Variants in ZBTB44 observed in about 807,000 individuals in gnomAD.
ZBTB44 encodes the protein zinc finger and BTB domain-containing protein 44.
Under a neutral mutation model 54.0 loss-of-function variants are expected in ZBTB44, and 15 were observed. That is an observed-to-expected ratio of 0.28 (90% CI 0.19 to 0.43). The LOEUF (loss-of-function observed/expected upper bound fraction) is 0.43. Among genes scored for constraint, ZBTB44 ranks in the 20% least tolerant of loss-of-function variants. ZBTB44 has a pLI of 1.00. For missense variants in ZBTB44, 487 were observed against 707.1 expected (o/e 0.69, Z 3.53); for synonymous variants, 230 against 250.1 (o/e 0.92, Z 0.76).
intron 1 of ZBTB44, among the ~76,000 whole-genome samples, chr11:130,274,032 G>A (rs182928042): frequency 1.3e-5 from 2 of 152,050 alleles, no homozygotes; most frequent in Non-Finnish European, 2.9e-5. Context: ...AGGTTTCAGT[G>A]AGCCAAGAGC....
At position 130,234,218 on chromosome 11, in the gene ZBTB44, A is replaced by G. The variant is rs1565641731; in HGVS notation, c.1624T>C (p.Tyr542His). The G allele has an allele frequency of 6.5e-7, 1 of 1,528,676 alleles. No homozygotes were observed. Among genetic ancestry groups the G allele is most frequent in the Non-Finnish European group, 8.8e-7 (1 of 1,137,948 alleles). The allele number at this position is 1,528,676 out of a possible 1,614,324, so 94.7% of individuals were successfully genotyped here. A position where few individuals can be genotyped will look rare whatever the true frequency, so the allele number is the denominator to read the frequency against. The change falls in exon 6 of 8, where the codon TAT becomes CAT. Residue 542 changes from tyrosine to histidine, a missense_variant. Tyr to His is a moderately conservative substitution (Grantham distance 83). Transcript: ENST00000357899. The part of the protein sequence containing the change: ...NQEQEETLVQ[Y>H]DLGEHGFESN... Reference sequence around the variant, plus strand: ...TCAAAACCGTGTTCTCCAAGATCATATTGAACAAGGGTCTCTTCTTGTTCC... The same window carrying G: ...TCAAAACCGTGTTCTCCAAGATCATGTTGAACAAGGGTCTCTTCTTGTTCC...
intron 5 of ZBTB44, among the ~76,000 whole-genome samples, chr11:130,235,472 C>A (rs1210982272): frequency 6.6e-6 from 1 of 152,112 alleles, no homozygotes; most frequent in East Asian, 1.9e-4. Context: ...AAGGGAAAAA[C>A]AAAATCTACG....
intron 2 of ZBTB44, among the ~76,000 whole-genome samples, chr11:130,252,109 A>C (rs562256705): frequency 6.6e-6 from 1 of 152,284 alleles, no homozygotes; most frequent in South Asian, 2.1e-4. Flanking sequence ...GAAAAAAAAG[A>C]AGCAGGGGCT....
At chr11:130,234,002 T>A (rs1007445363) in intron 6 of ZBTB44, 154 bp downstream of exon 6, 71 of 1,511,428 alleles carry the variant, frequency 4.7e-5, no homozygotes, top group Non-Finnish European at 5.8e-5. Flanking sequence ...TACTCAATAG[T>A]TATAGAAGAC....
rs1485903138 is a variant in ZBTB44, at chr11:130,229,139, C to T, written c.*2625G>A. The T allele has an allele frequency of 1.3e-5, 2 of 151,980 alleles. No individual in the cohort carries two copies. Among genetic ancestry groups the T allele is most frequent in the Middle Eastern group, 3.4e-3 (1 of 294 alleles). The allele number at this position is 151,980 out of a possible 1,614,324, so 9.4% of individuals were successfully genotyped here. Reference sequence around the variant, plus strand: ...CTCAATTTTTCAGATACTGCCAAACCGAGATACCAATAACATCTGAAATCT... The same window carrying T: ...CTCAATTTTTCAGATACTGCCAAACTGAGATACCAATAACATCTGAAATCT... On this transcript the variant is annotated 3_prime_UTR_variant, in exon 8 of 8. Coordinates refer to ENST00000357899, the MANE Select transcript of ZBTB44 (RefSeq NM_001301098.2).
At chr11:130,238,715 T>C in intron 3 of ZBTB44, 108 bp from the exon 4 acceptor site, 1 of 1,174,818 alleles carries the variant, frequency 8.5e-7, no homozygotes, top group South Asian at 2.0e-5. Context: ...TAAAGACTTT[T>C]TGAAACAGTT....
At chr11:130,311,099 G>A (rs1942573001) in intron 1 of ZBTB44, among the ~76,000 whole-genome samples, 1 of 152,116 alleles carries the variant, frequency 6.6e-6, no homozygotes, top group Non-Finnish European at 1.5e-5. Context: ...GTCTAAATAC[G>A]AAAATAAATG....
intron 2 of ZBTB44, among the ~76,000 whole-genome samples, chr11:130,251,439 C>G (rs966493071): frequency 2.0e-5 from 3 of 152,090 alleles, no homozygotes; most frequent in Admixed American, 1.3e-4. Context: ...TCAGGAAATA[C>G]AGAGAACATC....
rs1255621035 is a variant in ZBTB44, at chr11:130,236,652, GAGTATGAAC to G, written c.1568+132_1568+140del. The G allele has an allele frequency of 2.5e-5, 21 of 840,462 alleles. No homozygotes were observed. In the East Asian group the frequency reaches 6.2e-4, roughly 25 times the overall value. The allele number at this position is 840,462 out of a possible 1,614,324, so 52.1% of individuals were successfully genotyped here. A position where few individuals can be genotyped will look rare whatever the true frequency, so the allele number is the denominator to read the frequency against. ...AAAATTTTATCAGATCAGGAGATTAGAGTATGAACAGTGGGAATCCGTAACAAATGTGAC... is the reference window on the plus strand; with the variant it reads ...AAAATTTTATCAGATCAGGAGATTAGAGTGGGAATCCGTAACAAATGTGAC... On this transcript the variant is annotated intron_variant, in intron 5 of 7. Coordinates refer to ENST00000357899, the MANE Select transcript of ZBTB44 (RefSeq NM_001301098.2).
At position 130,230,920 on chromosome 11, in the gene ZBTB44, T is replaced by C. The variant is rs907523532; in HGVS notation, c.*844A>G. 1.3e-5 allele frequency: 2 copies of C among 152,074 alleles called. No individual in the cohort carries two copies. The highest frequency in any genetic ancestry group is 4.8e-5 in the African/African-American group (2 of 41,450). 9.4% of individuals were successfully genotyped at this position (152,074 alleles called of 1,614,324 possible). On this transcript the variant is annotated 3_prime_UTR_variant, in exon 8 of 8. Coordinates refer to ENST00000357899, the MANE Select transcript of ZBTB44 (RefSeq NM_001301098.2). ...CACACCTATTTGGTAGTTAAAAAACTGAAAATAAAAGCTTGTACAAAATGC... is the reference window on the plus strand; with the variant it reads ...CACACCTATTTGGTAGTTAAAAAACCGAAAATAAAAGCTTGTACAAAATGC...
rs369200220 is a variant in ZBTB44 at position 130,309,922 on chromosome 11, G to C, written c.-57+4453C>G. Among the ~76,000 whole-genome samples the C allele has an allele frequency of 2.0e-5, 3 of 150,340 alleles. No homozygotes were observed. In the East Asian group the frequency reaches 5.8e-4, roughly 29 times the overall value. On this transcript the variant is annotated intron_variant, in intron 1 of 7. Transcript: ENST00000357899. ...AAAAAAAAAAAAAAAAGTTAAAAAA[G>C]TAGATGGAGTCATAAAACCTCTACC...
chr11:130,238,403 T>C, intron 4 of ZBTB44, 41 bp downstream of exon 4: 1 of 1,540,666 alleles, frequency 6.5e-7, no homozygotes, highest in Non-Finnish European at 8.7e-7. Flanking sequence ...TAAAATGTTT[T>C]AGAGCGTTCA....
chr11:130,261,200 G>T lies in ZBTB44; in HGVS notation c.674C>A (p.Ser225Tyr), dbSNP rs1322512632. The change falls in exon 2 of 8, where the codon TCC becomes TAC. Residue 225 changes from serine to tyrosine, a missense_variant. Ser to Tyr is a moderately radical substitution (Grantham distance 144, BLOSUM62 -2). This residue lies in a region of ZBTB44 where 277 missense variants were observed against 306.5 expected (regional missense o/e 0.90). Transcript: ENST00000357899. The surrounding 1 kb of genome is among the most constrained non-coding windows in gnomAD (Gnocchi z 4.8). ...AGGAAAAGTCCAAGGAAAAGCTAAGGAAGAGTCAACTGGTTGGTTTCTATT... is the reference window on the plus strand; with the variant it reads ...AGGAAAAGTCCAAGGAAAAGCTAAGTAAGAGTCAACTGGTTGGTTTCTATT... ...SENRNQPVDSSLAFPWTFPFG... is the reference protein window; with the variant it reads ...SENRNQPVDSYLAFPWTFPFG... The T allele has an allele frequency of 3.7e-6, 6 of 1,613,860 alleles. No homozygotes were observed. Among genetic ancestry groups the T allele is most frequent in the Non-Finnish European group, 4.2e-6 (5 of 1,179,886 alleles).
chr11:130,255,526 CTAGCAGAAGACAAGAAA>C (rs1374845514), intron 2 of ZBTB44, among the ~76,000 whole-genome samples: 1 of 152,070 alleles, frequency 6.6e-6, no homozygotes, highest in African/African-American at 2.4e-5. Flanking sequence ...AATTCAAAAG[CTAGCAGAAGACAAGAAA>C]TAACTAAGAA....
intron 1 of ZBTB44, among the ~76,000 whole-genome samples, chr11:130,275,893 T>C (rs1211225399): frequency 6.6e-6 from 1 of 151,148 alleles, no homozygotes; most frequent in Non-Finnish European, 1.5e-5. Flanking sequence ...CCCAAAGTGC[T>C]GGGATTACAG....
chr11:130,270,406 ATGC>A (rs1939583599), intron 1 of ZBTB44, among the ~76,000 whole-genome samples: 1 of 152,242 alleles, frequency 6.6e-6, no homozygotes, highest in African/African-American at 2.4e-5. Flanking sequence ...TTTATCAACT[ATGC>A]TCCAGATAGA....
At chr11:130,241,708 T>C (rs1591934825) in intron 2 of ZBTB44, among the ~76,000 whole-genome samples, 1 of 152,312 alleles carries the variant, frequency 6.6e-6, no homozygotes, top group African/African-American at 2.4e-5. Flanking sequence ...AACATTTTAA[T>C]TTAATTAATC....
intron 1 of ZBTB44, among the ~76,000 whole-genome samples, chr11:130,307,163 G>A (rs913725266): frequency 3.9e-5 from 6 of 151,916 alleles, no homozygotes; most frequent in Non-Finnish European, 8.8e-5. Context: ...GGTGGCTAAC[G>A]CTTGTAATCC....
chr11:130,275,602 A>T (rs932880582), intron 1 of ZBTB44, among the ~76,000 whole-genome samples: 2 of 152,016 alleles, frequency 1.3e-5, no homozygotes, highest in African/African-American at 4.8e-5. Context: ...TTTGATTTCT[A>T]ATTTCATTCC....
Sources: gnomAD v4.1 joint callset for allele counts (sites outside exome capture counted in the v4.1 genomes callset) on GRCh38, gnomAD v4.1.1 for gene constraint, gnomAD v4.1.1 regional missense constraint, Gnocchi (gnomAD v3.1) non-coding constraint, MANE v1.5 for transcripts, NCBI Gene and HGNC (gene_info 2026-07-23, HGNC 2026-07-21) for gene names.